The following MMS22L variants were observed in gnomAD, a reference collection of about 807,000 sequenced individuals.
The protein encoded by MMS22L is protein MMS22-like.
MMS22L carries 74 observed loss-of-function variants against 159.1 expected under a neutral mutation model. The ratio of observed to expected loss-of-function variants is 0.47; its 90% CI spans 0.39 to 0.56. The LOEUF is 0.56. MMS22L is among the 20% of genes least tolerant of loss of function. MMS22L has a pLI of 0.00. For synonymous variants in MMS22L, 517 were observed against 506.9 expected, an observed-to-expected ratio of 1.02 and a Z score of -0.27; for missense variants, 1,351 against 1,422.1, an observed-to-expected ratio of 0.95 and a Z score of 0.80.
intron 22 of MMS22L, among the ~76,000 whole-genome samples, chr6:97,156,566 C>G (rs1029436797): frequency 6.6e-6 from 1 of 152,008 alleles, no homozygotes; most frequent in African/African-American, 2.4e-5. Context: ...ACCATTTATT[C>G]AATAGGGAAT....
At chr6:97,259,680 A>C (rs1814232407) in intron 9 of MMS22L, 1 of 121,546 alleles carries the variant, frequency 8.2e-6, no homozygotes, top group Admixed American at 1.0e-4. Flanking sequence ...CTGCGAGCCA[A>C]TTCATTATAA....
At chr6:97,172,951 T>G in intron 19 of MMS22L, 112 bp downstream of exon 19, 1 of 988,658 alleles carries the variant, frequency 1.0e-6, no homozygotes, top group Non-Finnish European at 1.5e-6. Flanking sequence ...TTCAGATTAC[T>G]CTTATGATTG....
intron 20 of MMS22L, among the ~76,000 whole-genome samples, chr6:97,165,918 G>A (rs1053772021): frequency 6.6e-6 from 1 of 152,002 alleles, no homozygotes; most frequent in African/African-American, 2.4e-5. Context: ...TAATAACAAA[G>A]GGCGAGGAAT....
At chr6:97,158,935 G>T (rs568547541) in intron 22 of MMS22L, among the ~76,000 whole-genome samples, 2 of 152,030 alleles carry the variant, frequency 1.3e-5, no homozygotes, top group African/African-American at 4.8e-5. Context: ...TTATTGTGTG[G>T]GAGTGTAAGT....
chr6:97,166,741 A>C (rs1802998024), intron 20 of MMS22L, among the ~76,000 whole-genome samples: 1 of 152,164 alleles, frequency 6.6e-6, no homozygotes, highest in Non-Finnish European at 1.5e-5. Context: ...GAGAATTCTT[A>C]TTAAATGGAC....
intron 8 of MMS22L, chr6:97,267,018 T>C (rs1215176628): frequency 6.6e-6 from 1 of 152,160 alleles, no homozygotes; most frequent in African/African-American, 2.4e-5. Flanking sequence ...TGTGAGATAA[T>C]ACATATGCTA....
intron 17 of MMS22L, 124 bp from the exon 18 acceptor site, chr6:97,178,709 C>T (rs1804376057): frequency 4.5e-6 from 2 of 448,894 alleles, no homozygotes; most frequent in Non-Finnish European, 7.4e-6. Flanking sequence ...TTATGACATG[C>T]TTTCTTTTAA....
At chr6:97,215,114 A>ATATATATATT (rs1209431095) in intron 14 of MMS22L, among the ~76,000 whole-genome samples, 10 of 87,188 alleles carry the variant, frequency 1.1e-4, no homozygotes, top group African/African-American at 3.5e-4. Flanking sequence ...ATATATATAT[A>ATATATATATT]TTTTTTTTTT....
chr6:97,236,109 C>T lies in MMS22L; in HGVS notation c.1183-2129G>A, dbSNP rs180965449. Among the ~76,000 whole-genome samples the T allele has an allele frequency of 1.8e-3, 272 of 152,092 alleles. 1 individual carries two copies. Among genetic ancestry groups the T allele is most frequent in the Non-Finnish European group, 3.0e-3 (205 of 67,996 alleles). On this transcript the variant is annotated intron_variant, in intron 11 of 24. Coordinates refer to ENST00000683635, the MANE Select transcript of MMS22L (RefSeq NM_001350599.2). ...TTGGGAGACCGAGCTGGGTGGATCA[C>T]CTGAGGTCAGGAGTTTAAGACCAGC...
At chr6:97,173,040 A>C (rs776159837) in intron 19 of MMS22L, 23 bp downstream of exon 19, 3 of 1,600,780 alleles carry the variant, frequency 1.9e-6, no homozygotes, top group Non-Finnish European at 2.6e-6. Flanking sequence ...TGTTACTAGC[A>C]AAATAATGCC....
At chr6:97,200,090 T>C (rs1399240448) in intron 14 of MMS22L, among the ~76,000 whole-genome samples, 1 of 152,106 alleles carries the variant, frequency 6.6e-6, no homozygotes, top group Admixed American at 6.6e-5. Flanking sequence ...TGTAACCTCA[T>C]GTACAAAATG....
At chr6:97,149,300 T>C (rs1432164093) in intron 24 of MMS22L, among the ~76,000 whole-genome samples, 1 of 152,180 alleles carries the variant, frequency 6.6e-6, no homozygotes, top group Non-Finnish European at 1.5e-5. Flanking sequence ...GAAATAAATA[T>C]AGGCTTATTC....
intron 14 of MMS22L, among the ~76,000 whole-genome samples, chr6:97,218,821 C>T (rs1809306727): frequency 6.6e-6 from 1 of 152,158 alleles, no homozygotes; most frequent in Admixed American, 6.5e-5. Flanking sequence ...AGAGAGGCCT[C>T]AGGGAACCCA....
intron 14 of MMS22L, among the ~76,000 whole-genome samples, chr6:97,213,144 C>T (rs540076026): frequency 3.9e-5 from 6 of 152,172 alleles, no homozygotes; most frequent in South Asian, 4.2e-4. Flanking sequence ...TGGTGGCTCA[C>T]GCCTGTAATC....
chr6:97,171,754 T>C (rs1295273896), intron 19 of MMS22L, among the ~76,000 whole-genome samples: 1 of 152,136 alleles, frequency 6.6e-6, no homozygotes, highest in East Asian at 1.9e-4. Context: ...AGTGTTTCAG[T>C]GGTTAACTCC....
At chr6:97,238,493 T>C (rs911498902) in intron 11 of MMS22L, among the ~76,000 whole-genome samples, 1 of 151,908 alleles carries the variant, frequency 6.6e-6, no homozygotes, top group Admixed American at 6.6e-5. Flanking sequence ...CACAAAGCCT[T>C]AAACCTGACT....
intron 15 of MMS22L, 23 bp from the exon 16 acceptor site, chr6:97,182,077 T>C (rs1804776184): frequency 6.3e-7 from 1 of 1,593,004 alleles, no homozygotes; most frequent in African/African-American, 1.4e-5. Flanking sequence ...TGAGAGAAAC[T>C]TAAAGTCAGG....
chr6:97,206,580 G>C (rs961410977), intron 14 of MMS22L, among the ~76,000 whole-genome samples: 2 of 152,098 alleles, frequency 1.3e-5, no homozygotes, highest in East Asian at 3.8e-4. Flanking sequence ...AATGGTGTTT[G>C]TATCTATCAT....
chr6:97,244,518 C>T (rs1213123616), intron 11 of MMS22L, among the ~76,000 whole-genome samples: 1 of 152,128 alleles, frequency 6.6e-6, no homozygotes, highest in South Asian at 2.1e-4. Flanking sequence ...TCTAAGTGGG[C>T]ACAATCTAAT....
Sources: allele counts gnomAD v4.1 joint callset (sites outside exome capture counted in the v4.1 genomes callset), GRCh38; gene constraint gnomAD v4.1.1; transcripts MANE v1.5; gene names NCBI Gene and HGNC (gene_info 2026-07-23, HGNC 2026-07-21).